Variants in TADA3 observed in about 807,000 individuals in gnomAD.
TADA3 encodes transcriptional adaptor 3, also known as transcriptional adapter 3.
A neutral mutation model predicts 43.2 loss-of-function variants in TADA3; 25 were observed. The ratio of observed to expected loss-of-function variants is 0.58; its 90% CI spans 0.42 to 0.81. TADA3 has a LOEUF of 0.81. Ranked by LOEUF, TADA3 falls within the 30% of genes least tolerant of loss-of-function variation. TADA3 has a pLI of 0.00. For synonymous variants in TADA3, 235 were observed against 225.5 expected (o/e 1.04, Z -0.38); for missense variants, 441 against 567.8 (o/e 0.78, Z 2.27).
rs148097739 is a variant in TADA3 at position 9,790,402 on chromosome 3, C to T, written c.208-439G>A. Among the ~76,000 whole-genome samples, 874 of 152,284 alleles carry T rather than the reference C, an allele frequency of 5.7e-3. 11 individuals are homozygous for T. Among genetic ancestry groups the T allele is most frequent in the Admixed American group, 4.4e-3 (68 of 15,300 alleles). ...CCAGGGACAAGTTAATTCCATTCAT[C>T]CTTTTAGGTCCAGTTGGCACCTCCT... is the stretch of plus-strand genomic sequence containing the variant. On this transcript the variant is annotated intron_variant, in intron 2 of 8. Transcript: ENST00000301964.
intron 2 of TADA3, among the ~76,000 whole-genome samples, chr3:9,790,684 G>C (rs79788876): frequency 6.6e-6 from 1 of 152,192 alleles, no homozygotes; most frequent in Non-Finnish European, 1.5e-5. Context: ...CTTAGTGTCT[G>C]GCATTGGGCT....
chr3:9,785,709 A>C (rs950617717), intron 6 of TADA3, among the ~76,000 whole-genome samples: 1 of 152,228 alleles, frequency 6.6e-6, no homozygotes, highest in African/African-American at 2.4e-5. Flanking sequence ...GCAACGCACC[A>C]GGCAGTGTGC....
upstream of TADA3, chr3:9,792,965 C>A: frequency 7.0e-7 from 1 of 1,418,450 alleles, no homozygotes; most frequent in African/African-American, 1.5e-5. Context: ...TTCCGGAAGG[C>A]CCAAGCGTTC....
chr3:9,789,996 G>C (rs293791), intron 2 of TADA3, 33 bp from the exon 3 acceptor site: 250,578 of 1,551,364 alleles, frequency 0.16, 21,639 homozygotes, highest in African/African-American at 0.26. Context: ...CTGAGGGGGA[G>C]AAGGGAAAAC....
intron 4 of TADA3, chr3:9,787,777 T>C: frequency 8.4e-7 from 1 of 1,184,270 alleles, no homozygotes; most frequent in South Asian, 1.3e-5. Context: ...GAGATCAAAG[T>C]GTTGTGGCAG....
chr3:9,786,015 T>G (rs7610826), intron 6 of TADA3, among the ~76,000 whole-genome samples: 2 of 151,978 alleles, frequency 1.3e-5, no homozygotes, highest in South Asian at 4.1e-4. Context: ...TTCGGCTTAC[T>G]GCAAGCTCCG....
At chr3:9,780,645 G>A in intron 8 of TADA3, 96 bp from the exon 9 acceptor site, 1 of 1,305,882 alleles carries the variant, frequency 7.7e-7, no homozygotes, top group Non-Finnish European at 1.0e-6. Context: ...GCCCAGGCTG[G>A]CATGCCTGTG....
chr3:9,787,393 CTTCA>C, intron 4 of TADA3, 53 bp from the exon 5 acceptor site: 5 of 1,547,066 alleles, frequency 3.2e-6, no homozygotes, highest in South Asian at 1.3e-5. Context: ...GCCAGCCATG[CTTCA>C]TTCATTCATT....
chr3:9,782,790 C>CA (rs36123956), intron 8 of TADA3, among the ~76,000 whole-genome samples: 80,506 of 119,774 alleles, frequency 0.67, 25,900 homozygotes, highest in Middle Eastern at 0.83. Context: ...GACACCGTCT[C>CA]AAAAAAAAAA....
At chr3:9,792,536 G>A (rs1333871207), upstream of TADA3, 1 of 1,225,746 alleles carries the variant, frequency 8.2e-7, no homozygotes, top group Non-Finnish European at 1.0e-6. Flanking sequence ...CGAGCCTACT[G>A]GAGTTTGCCG....
chr3:9,792,587 GT>G, upstream of TADA3: 1 of 1,230,040 alleles, frequency 8.1e-7, no homozygotes, highest in Non-Finnish European at 1.0e-6. Context: ...GCCGCTAGAG[GT>G]GGGGTGCGGG....
chr3:9,788,459 A>T (rs2078666520), intron 4 of TADA3, among the ~76,000 whole-genome samples: 1 of 150,932 alleles, frequency 6.6e-6, no homozygotes, highest in Non-Finnish European at 1.5e-5. Flanking sequence ...GTTAGCCAGG[A>T]TGGTCTCAAT....
chr3:9,791,449 G>C lies in TADA3; in HGVS notation c.18C>G (p.Asp6Glu), dbSNP rs764248325. 2 of 1,612,202 alleles carry C rather than the reference G, an allele frequency of 1.2e-6. No homozygotes were observed. Among genetic ancestry groups the C allele is most frequent in the Non-Finnish European group, 1.7e-6 (2 of 1,178,584 alleles). ...TGAAGTCGTGGAACTGCAAGGGGCAGTCTTTCAACTCACTCATGGCCCAGG... is the reference window on the plus strand; with the variant it reads ...TGAAGTCGTGGAACTGCAAGGGGCACTCTTTCAACTCACTCATGGCCCAGG... MSELKDCPLQFHDFKS... is the reference protein window; with the variant it reads MSELKECPLQFHDFKS... Residue 6 changes from aspartate (D) to glutamate (E), a missense_variant, in exon 2 of 9, where the codon GAC becomes GAG. Asp to Glu is a conservative substitution (Grantham distance 45). Coordinates refer to ENST00000301964, the MANE Select transcript of TADA3 (RefSeq NM_006354.5).
upstream of TADA3, chr3:9,792,867 A>G (rs1447878393): frequency 7.3e-7 from 1 of 1,375,066 alleles, no homozygotes; most frequent in Non-Finnish European, 9.3e-7. Flanking sequence ...GAAGGCACAA[A>G]GGGAAGCTGC....
upstream of TADA3, chr3:9,792,754 A>T: frequency 8.0e-7 from 1 of 1,243,520 alleles, no homozygotes; most frequent in Non-Finnish European, 1.0e-6. Flanking sequence ...GAAGAAACGA[A>T]GGGCTCGTCC....
upstream of TADA3, chr3:9,792,481 G>A: frequency 2.5e-6 from 3 of 1,203,170 alleles, no homozygotes; most frequent in Middle Eastern, 3.3e-4. Flanking sequence ...ACTGGCTATG[G>A]GCGGGCCCCT....
intron 8 of TADA3, 45 bp from the exon 9 acceptor site, chr3:9,780,594 G>T: frequency 6.4e-7 from 1 of 1,554,316 alleles, no homozygotes; most frequent in South Asian, 1.2e-5. Context: ...CCCACCTCCA[G>T]AGAACAACCC....
intron 7 of TADA3, 43 bp from the exon 8 acceptor site, chr3:9,784,256 G>A (rs2078551920): frequency 6.3e-7 from 1 of 1,580,114 alleles, no homozygotes; most frequent in African/African-American, 1.3e-5. Flanking sequence ...AGCCAGCTTG[G>A]AGAAGGGCCC....
At chr3:9,791,153 C>G in intron 2 of TADA3, 107 bp downstream of exon 2, 5 of 1,174,482 alleles carry the variant, frequency 4.3e-6, no homozygotes, top group Non-Finnish European at 6.0e-6. Context: ...TCCCTCTCCC[C>G]ACAAACCCCT....
Sources: gnomAD v4.1 joint callset for allele counts (sites outside exome capture counted in the v4.1 genomes callset) on GRCh38, gnomAD v4.1.1 for gene constraint, MANE v1.5 for transcripts, NCBI Gene and HGNC (gene_info 2026-07-23, HGNC 2026-07-21) for gene names.